Variants in GFRAL observed in about 807,000 individuals in gnomAD.
The protein encoded by GFRAL is GDNF family receptor alpha like, also known as GDNF family receptor alpha-like.
A neutral mutation model predicts 45.4 loss-of-function variants in GFRAL; 36 were observed. That is an observed-to-expected ratio of 0.79 (90% confidence interval 0.61 to 1.05). GFRAL has a LOEUF of 1.05. Ranked by LOEUF, GFRAL falls within the 50% of genes least tolerant of loss-of-function variation. The pLI is 0.00. For missense variants in GFRAL, 507 were observed against 467.5 expected, an observed-to-expected ratio of 1.08 and a Z score of -0.78; for synonymous variants, 166 against 154.1, an observed-to-expected ratio of 1.08 and a Z score of -0.57.
At chr6:55,360,596 T>G (rs1418188664) in intron 6 of GFRAL, among the ~76,000 whole-genome samples, 3 of 151,986 alleles carry the variant, frequency 2.0e-5, no homozygotes, top group African/African-American at 4.8e-5. Flanking sequence ...CTGTGGAATA[T>G]CCACAATTTC....
In GFRAL at chr6:55,333,848, G is replaced by A; in HGVS notation, c.220G>A (p.Val74Met). The A allele has an allele frequency of 6.2e-7, 1 of 1,610,636 alleles. No individual in the cohort carries two copies. The highest frequency in any genetic ancestry group is 1.1e-5 in the South Asian group (1 of 90,786). Residue 74 changes from valine (V) to methionine (M), a missense_variant, in exon 3 of 9, where the codon GTG (valine) becomes ATG (methionine). By Grantham distance (21) the Val-to-Met change is conservative (BLOSUM62 1). Transcript: ENST00000340465. ...CTGTAACCTGAGTATCCAGTACTTA[G>A]TGGAAAGCAATTTCCAATTTAAAGA... ...SYCNLSIQYL[V>M]ESNFQFKECL... is the part of the protein sequence containing the mutation.
Position 55,355,161 on chromosome 6 carries a change from TAAATGTGG to T in GFRAL, c.701+3580_701+3587del, listed in dbSNP as rs796779725. On this transcript the variant is annotated intron_variant, in intron 5 of 8. Coordinates refer to ENST00000340465, the MANE Select transcript of GFRAL (RefSeq NM_207410.2). ...ATATATTGTTTTTGTTTTTTTTCCC[TAAATGTGG>T]ATTAAAGATCTTTCCATAATTGCAT... is the stretch of plus-strand genomic sequence containing the variant. Among the ~76,000 whole-genome samples the T allele has an allele frequency of 3.9e-3, 591 of 152,058 alleles. 4 individuals are homozygous for T. The highest frequency in any genetic ancestry group is 0.013 in the African/African-American group (560 of 41,532).
intron 6 of GFRAL, among the ~76,000 whole-genome samples, chr6:55,362,424 G>C (rs777400685): frequency 2.0e-5 from 3 of 152,040 alleles, no homozygotes; most frequent in Non-Finnish European, 2.9e-5. Context: ...ATCTGGTCCT[G>C]TGTGCAGGAC....
chr6:55,369,147 C>T (rs575579644), intron 6 of GFRAL, among the ~76,000 whole-genome samples: 10 of 151,782 alleles, frequency 6.6e-5, no homozygotes, highest in Non-Finnish European at 1.0e-4. Flanking sequence ...TCTCATGGTG[C>T]GCCGTTTTTT....
intron 2 of GFRAL, among the ~76,000 whole-genome samples, chr6:55,332,847 T>C (rs1767848016): frequency 6.6e-6 from 1 of 151,936 alleles, no homozygotes; most frequent in Admixed American, 6.6e-5. Context: ...AAACTACAAA[T>C]AGAATAAAGT....
At chr6:55,363,550 T>C (rs1400995056) in intron 6 of GFRAL, among the ~76,000 whole-genome samples, 1 of 148,182 alleles carries the variant, frequency 6.7e-6, no homozygotes, top group Admixed American at 6.7e-5. Flanking sequence ...AATCGTCATC[T>C]AGCATTAGGT....
chr6:55,376,156 A>G (rs1261709407), intron 6 of GFRAL, among the ~76,000 whole-genome samples: 2 of 152,156 alleles, frequency 1.3e-5, no homozygotes, highest in East Asian at 3.9e-4. Flanking sequence ...GTAATGAATC[A>G]TATTTATTGA....
intron 1 of GFRAL, among the ~76,000 whole-genome samples, chr6:55,328,476 A>T (rs1036748174): frequency 1.3e-5 from 2 of 151,946 alleles, no homozygotes; most frequent in African/African-American, 4.8e-5. Flanking sequence ...TCAAGGAAAC[A>T]AGTTAAGAAG....
intron 2 of GFRAL, among the ~76,000 whole-genome samples, chr6:55,333,490 C>T (rs1767855396): frequency 6.6e-6 from 1 of 152,120 alleles, no homozygotes; most frequent in African/African-American, 2.4e-5. Flanking sequence ...GCATTCTGGT[C>T]ACCTCCTGTA....
chr6:55,363,044 G>A (rs1768298834), intron 6 of GFRAL, among the ~76,000 whole-genome samples: 2 of 150,720 alleles, frequency 1.3e-5, no homozygotes, highest in African/African-American at 4.9e-5. Context: ...AAGAGGGAAG[G>A]TAGAGGAGGA....
chr6:55,375,719 G>A (rs1375746784), intron 6 of GFRAL, among the ~76,000 whole-genome samples: 1 of 152,070 alleles, frequency 6.6e-6, no homozygotes, highest in Non-Finnish European at 1.5e-5. Context: ...CTTATATCCT[G>A]AGACTTTGCT....
intron 6 of GFRAL, among the ~76,000 whole-genome samples, chr6:55,372,463 A>G (rs1458234025): frequency 1.3e-5 from 2 of 152,174 alleles, no homozygotes; most frequent in African/African-American, 4.8e-5. Flanking sequence ...ACAGAATGGA[A>G]GTTTATTTCT....
At chr6:55,389,714 T>C (rs1371717363) in intron 6 of GFRAL, among the ~76,000 whole-genome samples, 1 of 152,202 alleles carries the variant, frequency 6.6e-6, no homozygotes, top group African/African-American at 2.4e-5. Context: ...GCTACACTAC[T>C]CCTCACTCCA....
chr6:55,363,803 C>T (rs368652976), intron 6 of GFRAL, among the ~76,000 whole-genome samples: 27 of 150,134 alleles, frequency 1.8e-4, no homozygotes, highest in Admixed American at 5.3e-4. Flanking sequence ...TTCCATGGTG[C>T]ATATGTGCCA....
At chr6:55,338,744 G>A (rs1767922497) in intron 3 of GFRAL, among the ~76,000 whole-genome samples, 2 of 152,144 alleles carry the variant, frequency 1.3e-5, no homozygotes, top group South Asian at 4.1e-4. Flanking sequence ...GAAGTGGGGA[G>A]CATTTGGGGA....
At chr6:55,345,539 TAACTC>T (rs1166269362) in intron 3 of GFRAL, among the ~76,000 whole-genome samples, 6 of 152,014 alleles carry the variant, frequency 3.9e-5, no homozygotes, top group African/African-American at 1.4e-4. Flanking sequence ...ATACAAAAAT[TAACTC>T]AAGATGGATT....
chr6:55,369,183 C>T (rs540708647), intron 6 of GFRAL, among the ~76,000 whole-genome samples: 30 of 151,952 alleles, frequency 2.0e-4, no homozygotes, highest in South Asian at 4.2e-4. Flanking sequence ...GCGCAGTATT[C>T]GGGTGGGAGT....
At chr6:55,348,942 TA>T (rs1768080791) in intron 3 of GFRAL, among the ~76,000 whole-genome samples, 1 of 152,098 alleles carries the variant, frequency 6.6e-6, no homozygotes, top group South Asian at 2.1e-4. Context: ...ATGTCCAGCC[TA>T]GACTTTTGTA....
chr6:55,336,155 G>C (rs2127350668), intron 3 of GFRAL, among the ~76,000 whole-genome samples: 1 of 152,274 alleles, frequency 6.6e-6, no homozygotes, highest in African/African-American at 2.4e-5. Flanking sequence ...TGTTGGCCAG[G>C]CTGGTCTGCA....
Sources: allele counts gnomAD v4.1 joint callset (sites outside exome capture counted in the v4.1 genomes callset), GRCh38; gene constraint gnomAD v4.1.1; transcripts MANE v1.5; gene names NCBI Gene and HGNC (gene_info 2026-07-23, HGNC 2026-07-21).